MAST4: variants seen among roughly 807,000 people sequenced by gnomAD.
The protein encoded by MAST4 is microtubule-associated serine/threonine-protein kinase 4.
MAST4 carries 89 observed loss-of-function variants against 162.7 expected under a neutral mutation model. The ratio of observed to expected loss-of-function variants is 0.55; its 90% CI spans 0.46 to 0.65. The LOEUF (loss-of-function observed/expected upper bound fraction) is 0.65, where lower values mean the gene tolerates loss of function less well. MAST4 is among the 30% of genes least tolerant of loss of function. The pLI is 0.00. For missense variants in MAST4, 3,153 were observed against 3,374.0 expected (o/e 0.93, Z 1.62); for synonymous variants, 1,479 against 1,361.1 (o/e 1.09, Z -1.91).
chr5:66,719,884 G>A (rs4425462), intron 1 of MAST4, among the ~76,000 whole-genome samples: 3 of 151,874 alleles, frequency 2.0e-5, no homozygotes, highest in Non-Finnish European at 4.4e-5. Context: ...ATTTATGCTC[G>A]AGAATTTTCA....
intron 5 of MAST4, among the ~76,000 whole-genome samples, chr5:67,083,875 A>T (rs553866095): frequency 6.6e-6 from 1 of 152,308 alleles, no homozygotes; most frequent in Admixed American, 6.5e-5. Context: ...TGTAGATGGG[A>T]GGAAAACATG....
In MAST4 at chr5:66,830,808, A is replaced by G. The variant is rs10079202; in HGVS notation, c.642+42014A>G. On this transcript the variant is annotated intron_variant, in intron 3 of 28. Transcript: ENST00000403625. Reference sequence around the variant, plus strand: ...TACCACACATGTCACTGTAGAGTTCATAAGAGTAACGCCACCTAGTGAATT... The same window carrying G: ...TACCACACATGTCACTGTAGAGTTCGTAAGAGTAACGCCACCTAGTGAATT... 2.2e-3 allele frequency among the ~76,000 whole-genome samples: 336 copies of G among 152,358 alleles called. 2 individuals carry two copies. The highest frequency in any genetic ancestry group is 7.7e-3 in the African/African-American group (320 of 41,590).
chr5:67,118,322 C>G (rs1488253039), intron 12 of MAST4, among the ~76,000 whole-genome samples: 1 of 152,150 alleles, frequency 6.6e-6, no homozygotes, highest in African/African-American at 2.4e-5. Context: ...CTTTGATGCC[C>G]GCCAGAGCCT....
At chr5:66,914,878 A>G (rs886740245) in intron 4 of MAST4, among the ~76,000 whole-genome samples, 1 of 152,180 alleles carries the variant, frequency 6.6e-6, no homozygotes, top group African/African-American at 2.4e-5. Flanking sequence ...CTAAACACCT[A>G]CAGTGAACAA....
chr5:66,982,085 G>A (rs1748927930), intron 4 of MAST4, among the ~76,000 whole-genome samples: 1 of 152,192 alleles, frequency 6.6e-6, no homozygotes, highest in Admixed American at 6.5e-5. Flanking sequence ...AGGAAATCAG[G>A]ATTTACAGAG....
intron 3 of MAST4, among the ~76,000 whole-genome samples, chr5:66,797,413 T>G (rs188513009): frequency 8.5e-5 from 13 of 152,240 alleles, no homozygotes; most frequent in Middle Eastern, 3.4e-3. Flanking sequence ...GTATAATGAG[T>G]AGTAGTGGTA....
At chr5:66,635,108 C>A (rs1580058568) in intron 1 of MAST4, among the ~76,000 whole-genome samples, 1 of 152,182 alleles carries the variant, frequency 6.6e-6, no homozygotes, top group South Asian at 2.1e-4. Flanking sequence ...CTAGGTTATA[C>A]CACACACCTA....
intron 4 of MAST4, among the ~76,000 whole-genome samples, chr5:66,992,512 C>G (rs1321665500): frequency 6.6e-6 from 1 of 152,158 alleles, no homozygotes; most frequent in African/African-American, 2.4e-5. Context: ...CTTGCACTTT[C>G]ATCTTAAAGT....
At chr5:67,005,935 G>A (rs1407403265) in intron 4 of MAST4, among the ~76,000 whole-genome samples, 4 of 152,242 alleles carry the variant, frequency 2.6e-5, no homozygotes, top group Non-Finnish European at 5.9e-5. Context: ...CAACTTTGCA[G>A]TCAGATAAAC....
At chr5:67,156,148 C>T (rs998566260) in intron 26 of MAST4, among the ~76,000 whole-genome samples, 13 of 151,686 alleles carry the variant, frequency 8.6e-5, no homozygotes, top group Admixed American at 6.6e-5. Context: ...AATGGTTTTA[C>T]GGGAATAAAC....
Position 67,163,751 on chromosome 5 carries a change from G to A in MAST4, c.4572G>A (p.Val1524=). Residue 1524 remains valine, a synonymous_variant, in exon 29 of 29, where the codon GTG becomes GTA. Transcript: ENST00000403625. The surrounding 1 kb of genome is among the most constrained non-coding windows in gnomAD (Gnocchi z 7.0). ...VSRKVGRQES[V]DDLDRDKLKA... ...GGAAGGTGGGCCGCCAGGAGTCTGT[G>A]GACGACCTGGACCGCGACAAGCTGA... 1 of 1,609,542 alleles carries A rather than the reference G, an allele frequency of 6.2e-7. No homozygotes were observed. Among genetic ancestry groups the A allele is most frequent in the African/African-American group, 1.3e-5 (1 of 74,988 alleles).
chr5:67,163,031 T>C lies in MAST4; in HGVS notation c.3968-116T>C, dbSNP rs1201746125. The C allele has an allele frequency of 8.1e-7, 1 of 1,234,472 alleles. No individual in the cohort carries two copies. Among genetic ancestry groups the C allele is most frequent in the Non-Finnish European group, 1.1e-6 (1 of 884,718 alleles). 76.5% of individuals were successfully genotyped at this position (1,234,472 alleles called of 1,614,324 possible). On this transcript the variant is annotated intron_variant, in intron 28 of 28. Transcript: ENST00000403625. This position sits in a 1 kb window ranked among gnomAD's most constrained non-coding sequence, Gnocchi z 7.0. ...AAAAGTGTTTATTCCACTAGCTAAATGCTGAGACAATTTGCTGATCTTACC... is the reference window on the plus strand; with the variant it reads ...AAAAGTGTTTATTCCACTAGCTAAACGCTGAGACAATTTGCTGATCTTACC...
chr5:67,148,786 A>G (rs1771413284), intron 23 of MAST4, among the ~76,000 whole-genome samples: 1 of 152,174 alleles, frequency 6.6e-6, no homozygotes, highest in Non-Finnish European at 1.5e-5. Flanking sequence ...GAAAGGAGGC[A>G]TATGGCCTGA....
At chr5:67,136,784 A>C (rs143193481) in intron 19 of MAST4, 120 bp downstream of exon 19, 17 of 703,596 alleles carry the variant, frequency 2.4e-5, no homozygotes, top group Middle Eastern at 2.5e-4. Context: ...GTTGATGTAG[A>C]ACATGACTGC....
In MAST4 at chr5:67,166,639, C is replaced by A. The variant is rs373662250; in HGVS notation, c.7460C>A (p.Ala2487Asp). 2.6e-5 allele frequency: 42 copies of A among 1,600,586 alleles called. No homozygotes were observed. The highest frequency in any genetic ancestry group is 3.4e-5 in the Admixed American group (2 of 58,158). The change falls in exon 29 of 29, where the codon GCC becomes GAC. Residue 2487 changes from alanine to aspartate, a missense_variant. Around this residue, in one of 7 missense-constraint regions of MAST4, gnomAD observed 1,644 missense variants for 1,495.0 expected, o/e 1.10. Transcript: ENST00000403625. ...AGCAGCGACACCTCTTCTGCCAAGG[C>A]CGCCGGGGGCATGCTGGAGCTTCCA... ...AASSDTSSAK[A>D]AGGMLELPAP...
chr5:66,885,867 G>A (rs896450243), intron 3 of MAST4, among the ~76,000 whole-genome samples: 1 of 152,148 alleles, frequency 6.6e-6, no homozygotes, highest in Admixed American at 6.5e-5. Flanking sequence ...GGGTTGCAGT[G>A]TCAGATTTGT....
intron 24 of MAST4, among the ~76,000 whole-genome samples, chr5:67,151,367 A>C (rs956222164): frequency 2.6e-5 from 4 of 152,188 alleles, no homozygotes; most frequent in African/African-American, 9.7e-5. Flanking sequence ...AGGGAAGAAC[A>C]AGCTCTCTGC....
At position 66,888,560 on chromosome 5, in the gene MAST4, G is replaced by T. The variant is rs111458793; in HGVS notation, c.643-11391G>T. On this transcript the variant is annotated intron_variant, in intron 3 of 28. Transcript: ENST00000403625. Reference sequence around the variant, plus strand: ...GTTCTATAAAAAGCCTTTTTCTTTTGGTATTAAGGTTGTCTGTAATTTTAA... The same window carrying T: ...GTTCTATAAAAAGCCTTTTTCTTTTTGTATTAAGGTTGTCTGTAATTTTAA... Among the ~76,000 whole-genome samples the T allele has an allele frequency of 7.6e-3, 1,162 of 152,096 alleles. 21 individuals are homozygous for T. The highest frequency in any genetic ancestry group is 0.026 in the African/African-American group (1,100 of 41,510).
chr5:66,967,396 C>G (rs1181855269), intron 4 of MAST4, among the ~76,000 whole-genome samples: 1 of 152,176 alleles, frequency 6.6e-6, no homozygotes, highest in African/African-American at 2.4e-5. Flanking sequence ...TCTGCAGCTT[C>G]CAGGACAGCT....
Sources: allele counts gnomAD v4.1 joint callset (sites outside exome capture counted in the v4.1 genomes callset), GRCh38; gene constraint gnomAD v4.1.1; regional missense constraint gnomAD v4.1.1; non-coding constraint Gnocchi (gnomAD v3.1); transcripts MANE v1.5; gene names NCBI Gene and HGNC (gene_info 2026-07-23, HGNC 2026-07-21).